Variants in RHEX observed in about 807,000 individuals in gnomAD.
The protein encoded by RHEX is regulator of hemoglobinization and erythroid cell expansion protein.
Under a neutral mutation model 20.1 loss-of-function variants are expected in RHEX, and 18 were observed. The observed-to-expected ratio is 0.90, with a 90% CI of 0.62 to 1.33. The LOEUF (loss-of-function observed/expected upper bound fraction) is 1.33. Ranked by LOEUF, RHEX falls within the 40% of genes most tolerant of loss-of-function variation. RHEX has a pLI of 0.00. For synonymous variants in RHEX, 87 were observed against 77.1 expected (o/e 1.13, Z -0.67); for missense variants, 192 against 214.3 (o/e 0.90, Z 0.65).
At chr1:206,084,759 T>A (rs1395114680) in intron 1 of RHEX, among the ~76,000 whole-genome samples, 1 of 152,194 alleles carries the variant, frequency 6.6e-6, no homozygotes, top group Non-Finnish European at 1.5e-5. Context: ...TGGGGTCCCT[T>A]ACTCAAAAAT....
chr1:206,098,031 T>C (rs1553287925), intron 2 of RHEX, 50 bp from the exon 3 acceptor site: 11 of 1,438,608 alleles, frequency 7.6e-6, no homozygotes, highest in African/African-American at 1.4e-5. Flanking sequence ...TTTGCAATTG[T>C]ATTCACATCC....
intron 1 of RHEX, among the ~76,000 whole-genome samples, chr1:206,095,082 T>G (rs1211883820): frequency 6.6e-6 from 1 of 152,076 alleles, no homozygotes; most frequent in Non-Finnish European, 1.5e-5. Flanking sequence ...CAAGACAGTT[T>G]TAGACAATAA....
chr1:206,072,377 C>T (rs1443024711), intron 1 of RHEX, among the ~76,000 whole-genome samples: 2 of 152,156 alleles, frequency 1.3e-5, no homozygotes, highest in Non-Finnish European at 2.9e-5. Context: ...AGTTCGAGAC[C>T]ATCCTGGCTA....
intron 1 of RHEX, among the ~76,000 whole-genome samples, chr1:206,092,574 G>A (rs545423744): frequency 6.6e-6 from 1 of 152,032 alleles, no homozygotes; most frequent in Non-Finnish European, 1.5e-5. Context: ...TAAGCTTTCC[G>A]TGCCATATGG....
At chr1:206,065,646 A>G (rs558738316) in intron 1 of RHEX, among the ~76,000 whole-genome samples, 1 of 152,312 alleles carries the variant, frequency 6.6e-6, no homozygotes, top group South Asian at 2.1e-4. Context: ...TGATAGTTAG[A>G]GGTGGTGAGA....
intron 1 of RHEX, among the ~76,000 whole-genome samples, chr1:206,058,535 G>GCCCAT (rs1311423457): frequency 1.3e-5 from 2 of 152,256 alleles, no homozygotes; most frequent in African/African-American, 4.8e-5. Context: ...AAGCAGCCCA[G>GCCCAT]CGCCAGGCCC....
chr1:206,088,218 A>G (rs532196052), intron 1 of RHEX, among the ~76,000 whole-genome samples: 3 of 152,366 alleles, frequency 2.0e-5, no homozygotes, highest in East Asian at 3.9e-4. Context: ...AAAGTATAAC[A>G]AATGAAATAA....
intron 1 of RHEX, among the ~76,000 whole-genome samples, chr1:206,065,861 C>T (rs1286063110): frequency 1.3e-5 from 2 of 152,154 alleles, no homozygotes; most frequent in South Asian, 2.1e-4. Flanking sequence ...ACAGAAGGGG[C>T]GCAGAAGGCA....
chr1:206,058,363 A>G (rs1480971493), intron 1 of RHEX, among the ~76,000 whole-genome samples: 1 of 152,278 alleles, frequency 6.6e-6, no homozygotes, highest in Non-Finnish European at 1.5e-5. Flanking sequence ...GCACGAAAAT[A>G]CATAAGTAGC....
intron 1 of RHEX, among the ~76,000 whole-genome samples, chr1:206,063,911 G>C (rs528993180): frequency 2.7e-5 from 4 of 150,830 alleles, no homozygotes; most frequent in Non-Finnish European, 5.9e-5. Context: ...AGTGAGGAGC[G>C]TCTCTGCCCG....
At position 206,101,050 on chromosome 1, in the gene RHEX, A is replaced by G. The variant is rs1663175933; in HGVS notation, c.257-86A>G. 7 of 1,087,686 alleles carry G rather than the reference A, an allele frequency of 6.4e-6. 1 individual carries two copies. The highest frequency in any genetic ancestry group is 4.7e-5 in the African/African-American group (3 of 63,364). The allele number at this position is 1,087,686 out of a possible 1,614,324, so 67.4% of individuals were successfully genotyped here. A position where few individuals can be genotyped will look rare whatever the true frequency, so the allele number is the denominator to read the frequency against. On this transcript the variant is annotated intron_variant, in intron 4 of 5. Transcript: ENST00000331555. ...CTGCCTCTGTCTTTATCTGATAATA[A>G]GACAATTCTCCCTTCCATTGTCTCT...
rs142908143 is a variant in RHEX at position 206,069,446 on chromosome 1, G to C, written c.-97+16181G>C. Among the ~76,000 whole-genome samples the C allele has an allele frequency of 4.1e-4, 63 of 152,264 alleles. No individual in the cohort carries two copies. In the East Asian group the frequency reaches 0.01, roughly 25 times the overall value. On this transcript the variant is annotated intron_variant, in intron 1 of 5. Coordinates refer to ENST00000331555, the MANE Select transcript of RHEX (RefSeq NM_001007544.4). ...TGCCCAGTCCCTCCCTCAACGTCCC[G>C]AGCCAGGGCTCAAGGCAATTCCAAT...
chr1:206,061,560 A>C (rs1056510453), intron 1 of RHEX: 1 of 152,168 alleles, frequency 6.6e-6, no homozygotes, highest in Non-Finnish European at 1.5e-5. Flanking sequence ...AGAACTCAGC[A>C]TTCTACTTGC....
intron 1 of RHEX, among the ~76,000 whole-genome samples, chr1:206,096,502 T>C (rs138422167): frequency 1.6e-4 from 25 of 152,382 alleles, no homozygotes; most frequent in African/African-American, 6.0e-4. Context: ...CCAGTCTTCC[T>C]TGTGCAGCTG....
At chr1:206,057,477 A>G (rs1553282716) in intron 1 of RHEX, among the ~76,000 whole-genome samples, 1 of 152,288 alleles carries the variant, frequency 6.6e-6, no homozygotes, top group Non-Finnish European at 1.5e-5. Flanking sequence ...AAACAGTTAC[A>G]TGGTGGAGTT....
chr1:206,084,853 A>AG (rs1454872142), intron 1 of RHEX, among the ~76,000 whole-genome samples: 4 of 152,230 alleles, frequency 2.6e-5, no homozygotes, highest in African/African-American at 9.6e-5. Flanking sequence ...TAGTCTGCAC[A>AG]GGTTACAAGT....
At chr1:206,089,079 A>G (rs1280900054) in intron 1 of RHEX, among the ~76,000 whole-genome samples, 5 of 152,200 alleles carry the variant, frequency 3.3e-5, no homozygotes, top group Admixed American at 6.5e-5. Flanking sequence ...ATGATTAGAG[A>G]CAAGTTCTAT....
intron 1 of RHEX, among the ~76,000 whole-genome samples, chr1:206,096,877 C>T (rs1446497949): frequency 2.0e-5 from 3 of 150,826 alleles, no homozygotes; most frequent in African/African-American, 4.9e-5. Context: ...TGGGATCAAG[C>T]GATCCTCCCA....
chr1:206,063,703 G>A (rs555252262), intron 1 of RHEX, among the ~76,000 whole-genome samples: 5 of 152,246 alleles, frequency 3.3e-5, no homozygotes, highest in Non-Finnish European at 5.9e-5. Context: ...GCTCAGTGGC[G>A]CCCAGGCTGG....
Sources: gnomAD v4.1 joint callset for allele counts (sites outside exome capture counted in the v4.1 genomes callset) on GRCh38, gnomAD v4.1.1 for gene constraint, MANE v1.5 for transcripts, NCBI Gene and HGNC (gene_info 2026-07-23, HGNC 2026-07-21) for gene names.